Variants in KCNH7 observed in about 807,000 individuals in gnomAD.
KCNH7 encodes the protein potassium voltage-gated channel subfamily H member 7.
Under a neutral mutation model 120.8 loss-of-function variants are expected in KCNH7, and 49 were observed. The ratio of observed to expected loss-of-function variants is 0.41; its 90% CI spans 0.32 to 0.51. The LOEUF (loss-of-function observed/expected upper bound fraction) is 0.51, where lower values mean the gene tolerates loss of function less well. Among genes scored for constraint, KCNH7 ranks in the 20% least tolerant of loss-of-function variants. The pLI is 0.38. For synonymous variants in KCNH7, 547 were observed against 516.1 expected, an observed-to-expected ratio of 1.06 and a Z score of -0.81; for missense variants, 1,097 against 1,446.6, an observed-to-expected ratio of 0.76 and a Z score of 3.92.
chr2:162,829,990 C>G (rs548835489), intron 2 of KCNH7, among the ~76,000 whole-genome samples: 116 of 151,880 alleles, frequency 7.6e-4, no homozygotes, highest in African/African-American at 2.6e-3. Context: ...TTGGTGTTTT[C>G]TCTGAATAAG....
intron 9 of KCNH7, among the ~76,000 whole-genome samples, chr2:162,404,179 T>C (rs757665626): frequency 1.3e-5 from 2 of 151,956 alleles, no homozygotes. Context: ...GTGATTGTTA[T>C]ATCTATTTCC....
chr2:162,735,931 C>T (rs1006926551), intron 2 of KCNH7, among the ~76,000 whole-genome samples: 2 of 152,130 alleles, frequency 1.3e-5, no homozygotes, highest in Non-Finnish European at 2.9e-5. Flanking sequence ...GAGAGAAGGC[C>T]AGCAGAGCCT....
At chr2:162,706,435 A>G (rs976502775) in intron 2 of KCNH7, among the ~76,000 whole-genome samples, 2 of 152,076 alleles carry the variant, frequency 1.3e-5, no homozygotes, top group Non-Finnish European at 2.9e-5. Flanking sequence ...TAACAACTCT[A>G]TAAGAGGGAC....
intron 11 of KCNH7, among the ~76,000 whole-genome samples, 197 bp downstream of exon 11, chr2:162,396,543 G>A (rs16846654): frequency 0.02 from 3,048 of 151,812 alleles, 105 homozygotes; most frequent in African/African-American, 0.068. Flanking sequence ...ATTATTCAAC[G>A]TATTGGAAAG....
At chr2:162,502,966 G>T (rs1032543295) in intron 6 of KCNH7, among the ~76,000 whole-genome samples, 1 of 152,062 alleles carries the variant, frequency 6.6e-6, no homozygotes, top group Non-Finnish European at 1.5e-5. Context: ...AAATAAAGAG[G>T]TTATCTTAAA....
At position 162,701,035 on chromosome 2, in the gene KCNH7, T is replaced by C. The variant is rs144111758; in HGVS notation, c.307+135502A>G. Among the ~76,000 whole-genome samples the C allele has an allele frequency of 6.0e-4, 92 of 152,274 alleles. 1 individual carries two copies. Among genetic ancestry groups the C allele is most frequent in the African/African-American group, 2.2e-3 (91 of 41,568 alleles). On this transcript the variant is annotated intron_variant, in intron 2 of 15. Transcript: ENST00000332142. ...ACAGACAGTTTTTCACATAATCAGATGCTGTTTATAAGGAAGGACAATCAC... is the reference window on the plus strand; with the variant it reads ...ACAGACAGTTTTTCACATAATCAGACGCTGTTTATAAGGAAGGACAATCAC...
At chr2:162,420,248 T>C (rs1687659718) in intron 9 of KCNH7, among the ~76,000 whole-genome samples, 3 of 152,002 alleles carry the variant, frequency 2.0e-5, no homozygotes, top group Admixed American at 2.0e-4. Flanking sequence ...TGGTGGCATG[T>C]GCCTCTAATC....
At chr2:162,462,964 C>T (rs759137274) in intron 6 of KCNH7, among the ~76,000 whole-genome samples, 15 of 151,978 alleles carry the variant, frequency 9.9e-5, no homozygotes, top group Non-Finnish European at 1.6e-4. Flanking sequence ...CTATCAGGGA[C>T]GGAGTAAATT....
chr2:162,425,161 A>T (rs907733136), intron 8 of KCNH7, among the ~76,000 whole-genome samples: 13 of 152,164 alleles, frequency 8.5e-5, no homozygotes, highest in African/African-American at 3.1e-4. Context: ...CTGAAAACAC[A>T]TCATGGGCTC....
intron 2 of KCNH7, among the ~76,000 whole-genome samples, chr2:162,567,832 A>C (rs1693311533): frequency 6.6e-6 from 1 of 152,058 alleles, no homozygotes; most frequent in Admixed American, 6.6e-5. Flanking sequence ...TCCATCAATG[A>C]AAGACTATAT....
chr2:162,669,871 G>A (rs552730796), intron 2 of KCNH7, among the ~76,000 whole-genome samples: 39 of 151,766 alleles, frequency 2.6e-4, no homozygotes, highest in Non-Finnish European at 3.8e-4. Context: ...AGGCCGAGGC[G>A]GGCGGATAAC....
At chr2:162,464,165 T>C (rs1208634146) in intron 6 of KCNH7, among the ~76,000 whole-genome samples, 4 of 152,142 alleles carry the variant, frequency 2.6e-5, no homozygotes, top group Middle Eastern at 3.4e-3. Context: ...TTCTTGCTTA[T>C]TTAAGAGACT....
Position 162,608,041 on chromosome 2 carries a change from A to G in KCNH7, c.308-70961T>C, listed in dbSNP as rs867966962. Among the ~76,000 whole-genome samples, 20 of 152,280 alleles carry G rather than the reference A, an allele frequency of 1.3e-4. No individual in the cohort carries two copies. The Middle Eastern group carries it at 0.014, about 104-fold the overall frequency. ...AACGTTCCAAATTTATATTTCCTAG[A>G]CAGTTTCATTCTATTATGCTAGTTC... On this transcript the variant is annotated intron_variant, in intron 2 of 15. Transcript: ENST00000332142.
intron 6 of KCNH7, among the ~76,000 whole-genome samples, chr2:162,472,399 A>T (rs1466531258): frequency 6.6e-6 from 1 of 152,186 alleles, no homozygotes; most frequent in African/African-American, 2.4e-5. Flanking sequence ...CAAGAAAAAA[A>T]CAAACAACCC....
chr2:162,680,376 G>C (rs566421812), intron 2 of KCNH7, among the ~76,000 whole-genome samples: 1 of 151,720 alleles, frequency 6.6e-6, no homozygotes, highest in Non-Finnish European at 1.5e-5. Context: ...AATAGGACTC[G>C]TGGAGAAAGA....
chr2:162,685,272 C>T (rs1042317996), intron 2 of KCNH7, among the ~76,000 whole-genome samples: 6 of 151,954 alleles, frequency 3.9e-5, no homozygotes, highest in African/African-American at 1.2e-4. Context: ...TGCAGCAAAC[C>T]ACCATGGCAC....
At chr2:162,597,008 T>C (rs755499457) in intron 2 of KCNH7, among the ~76,000 whole-genome samples, 17 of 152,120 alleles carry the variant, frequency 1.1e-4, no homozygotes, top group Non-Finnish European at 2.5e-4. Flanking sequence ...ATATATCACT[T>C]CACACTTTTT....
chr2:162,763,556 A>G (rs111687943), intron 2 of KCNH7, among the ~76,000 whole-genome samples: 73 of 152,186 alleles, frequency 4.8e-4, no homozygotes, highest in African/African-American at 1.7e-3. Context: ...CGATGGCCAG[A>G]GCTTGATGCA....
intron 8 of KCNH7, among the ~76,000 whole-genome samples, chr2:162,428,273 C>G (rs560419480): frequency 7.9e-5 from 12 of 151,828 alleles, no homozygotes; most frequent in African/African-American, 2.9e-4. Flanking sequence ...TATTTGGAAC[C>G]TATTTCTAAA....
Sources: allele counts gnomAD v4.1 joint callset (sites outside exome capture counted in the v4.1 genomes callset), GRCh38; gene constraint gnomAD v4.1.1; transcripts MANE v1.5; gene names NCBI Gene and HGNC (gene_info 2026-07-23, HGNC 2026-07-21).